Variants in ATL2 observed in about 807,000 individuals in gnomAD.
ATL2 encodes the protein atlastin-2.
A neutral mutation model predicts 73.9 loss-of-function variants in ATL2; 31 were observed. The observed-to-expected ratio is 0.42, with a 90% CI of 0.32 to 0.57. The LOEUF is 0.57. Among genes scored for constraint, ATL2 ranks in the 20% least tolerant of loss-of-function variants. The pLI is 0.14. For synonymous variants in ATL2, 291 were observed against 237.5 expected (o/e 1.23, Z -2.07); for missense variants, 738 against 702.6 (o/e 1.05, Z -0.57).
intron 7 of ATL2, among the ~76,000 whole-genome samples, chr2:38,311,739 T>C (rs2148423340): frequency 6.6e-6 from 1 of 152,340 alleles, no homozygotes; most frequent in East Asian, 1.9e-4. Context: ...AATGGCTATG[T>C]TCATTTTTTA....
At chr2:38,370,197 G>A (rs1427754286) in intron 1 of ATL2, among the ~76,000 whole-genome samples, 2 of 148,342 alleles carry the variant, frequency 1.3e-5, no homozygotes, top group African/African-American at 5.0e-5. Context: ...CCGGGCGGTC[G>A]CTCACACCTG....
intron 2 of ATL2, among the ~76,000 whole-genome samples, chr2:38,326,525 AAG>A (rs1176871654): frequency 1.3e-5 from 2 of 152,228 alleles, no homozygotes; most frequent in Non-Finnish European, 2.9e-5. Context: ...TTGATCCAGG[AAG>A]AGGACAGAAC....
chr2:38,339,146 G>A (rs1669548129), intron 2 of ATL2, among the ~76,000 whole-genome samples: 1 of 152,142 alleles, frequency 6.6e-6, no homozygotes, highest in African/African-American at 2.4e-5. Flanking sequence ...AACTCAGGAG[G>A]CGGAGGTTGC....
Position 38,366,217 on chromosome 2 carries a change from C to G in ATL2, c.118+10926G>C, listed in dbSNP as rs75534606. Reference sequence around the variant, plus strand: ...ATTCCTTGTAGTAAATAAACACACACGCTCAAAAACAGGATGAAGGAAGGA... The same window carrying G: ...ATTCCTTGTAGTAAATAAACACACAGGCTCAAAAACAGGATGAAGGAAGGA... On this transcript the variant is annotated intron_variant, in intron 1 of 12. Coordinates refer to ENST00000378954, the MANE Select transcript of ATL2 (RefSeq NM_001135673.4). Among the ~76,000 whole-genome samples the G allele has an allele frequency of 1.4e-3, 210 of 152,048 alleles. 2 individuals carry two copies. In the East Asian group the frequency reaches 0.018, roughly 13 times the overall value.
At chr2:38,366,801 G>A (rs766892140) in intron 1 of ATL2, among the ~76,000 whole-genome samples, 9 of 152,112 alleles carry the variant, frequency 5.9e-5, no homozygotes, top group Non-Finnish European at 1.0e-4. Context: ...TATAAGGTAG[G>A]TACACAGTAT....
intron 12 of ATL2, 29 bp from the exon 13 acceptor site, chr2:38,296,142 C>T (rs1364103299): frequency 6.6e-7 from 1 of 1,520,004 alleles, no homozygotes; most frequent in South Asian, 1.3e-5. Context: ...GCAAAACAAA[C>T]AAAAACATGA....
intron 2 of ATL2, among the ~76,000 whole-genome samples, chr2:38,341,496 A>G (rs1003486657): frequency 1.3e-5 from 2 of 152,078 alleles, no homozygotes; most frequent in Non-Finnish European, 2.9e-5. Context: ...AAATCAGCCA[A>G]GCATTGTGGT....
chr2:38,375,397 G>A (rs768553905), intron 1 of ATL2, among the ~76,000 whole-genome samples: 3 of 152,162 alleles, frequency 2.0e-5, no homozygotes, highest in Admixed American at 6.5e-5. Flanking sequence ...TGAAGGTCTT[G>A]CTGATCCGTC....
chr2:38,343,194 T>A, intron 2 of ATL2, 74 bp downstream of exon 2: 1 of 1,240,996 alleles, frequency 8.1e-7, no homozygotes, highest in Non-Finnish European at 1.1e-6. Flanking sequence ...AGTTCTGGTT[T>A]TTGTCTATTT....
intron 7 of ATL2, among the ~76,000 whole-genome samples, chr2:38,311,121 CAAAAA>C (rs369241978): frequency 1.3e-4 from 19 of 145,062 alleles, no homozygotes; most frequent in African/African-American, 4.8e-4. Context: ...CAGAACAAAA[CAAAAA>C]AAAAAGTATA....
intron 2 of ATL2, among the ~76,000 whole-genome samples, chr2:38,323,956 A>T (rs1668463038): frequency 6.6e-6 from 1 of 152,178 alleles, no homozygotes; most frequent in Non-Finnish European, 1.5e-5. Flanking sequence ...CACAACTGGG[A>T]GTAAAAGGAA....
At chr2:38,297,239 G>A (rs1666944535) in intron 12 of ATL2, among the ~76,000 whole-genome samples, 1 of 151,946 alleles carries the variant, frequency 6.6e-6, no homozygotes, top group South Asian at 2.1e-4. Flanking sequence ...CTGCTTCTTC[G>A]GTCTTCAAGT....
At chr2:38,312,448 C>T (rs62144718) in intron 7 of ATL2, among the ~76,000 whole-genome samples, 3,619 of 152,176 alleles carry the variant, frequency 0.024, 67 homozygotes, top group Non-Finnish European at 0.036. Context: ...CGGTGGCTCA[C>T]GCCTGTAATC....
At chr2:38,348,989 G>C (rs1670184492) in intron 1 of ATL2, among the ~76,000 whole-genome samples, 1 of 152,008 alleles carries the variant, frequency 6.6e-6, no homozygotes, top group African/African-American at 2.4e-5. Flanking sequence ...TCTCACACCA[G>C]TTAGAATGGC....
At chr2:38,346,015 C>G (rs1400173475) in intron 1 of ATL2, among the ~76,000 whole-genome samples, 1 of 152,222 alleles carries the variant, frequency 6.6e-6, no homozygotes, top group African/African-American at 2.4e-5. Flanking sequence ...TTATTTTCCC[C>G]TTGAAATGCC....
intron 1 of ATL2, among the ~76,000 whole-genome samples, chr2:38,347,638 A>G (rs540529496): frequency 2.0e-5 from 3 of 152,118 alleles, no homozygotes; most frequent in Non-Finnish European, 4.4e-5. Flanking sequence ...GATCCCAATC[A>G]CCCTGTTAAC....
At chr2:38,322,778 C>T (rs1668395628) in intron 2 of ATL2, among the ~76,000 whole-genome samples, 1 of 152,080 alleles carries the variant, frequency 6.6e-6, no homozygotes, top group Non-Finnish European at 1.5e-5. Flanking sequence ...CTTTGGGAGG[C>T]CAAGGCAGGA....
chr2:38,374,879 C>A (rs1408262380), intron 1 of ATL2, among the ~76,000 whole-genome samples: 1 of 152,204 alleles, frequency 6.6e-6, no homozygotes, highest in East Asian at 1.9e-4. Flanking sequence ...AAAAACGAAT[C>A]CTGAAATACA....
intron 1 of ATL2, among the ~76,000 whole-genome samples, chr2:38,372,474 G>T (rs781466889): frequency 1.3e-5 from 2 of 152,172 alleles, no homozygotes; most frequent in Non-Finnish European, 2.9e-5. Flanking sequence ...TCTGTCATCA[G>T]AGGGAGGTTC....
Sources: allele counts gnomAD v4.1 joint callset (sites outside exome capture counted in the v4.1 genomes callset), GRCh38; gene constraint gnomAD v4.1.1; transcripts MANE v1.5; gene names NCBI Gene and HGNC (gene_info 2026-07-23, HGNC 2026-07-21).